The following ARHGAP25 variants were observed in gnomAD, a reference collection of about 807,000 sequenced individuals.
ARHGAP25 encodes Rho GTPase activating protein 25.
A neutral mutation model predicts 71.0 loss-of-function variants in ARHGAP25; 34 were observed. The ratio of observed to expected loss-of-function variants is 0.48; its 90% CI spans 0.36 to 0.64. ARHGAP25 has a LOEUF of 0.64. Among genes scored for constraint, ARHGAP25 ranks in the 30% least tolerant of loss-of-function variants. ARHGAP25 has a pLI of 0.00. For missense variants in ARHGAP25, 706 were observed against 805.1 expected, an observed-to-expected ratio of 0.88 and a Z score of 1.49; for synonymous variants, 282 against 296.5, an observed-to-expected ratio of 0.95 and a Z score of 0.50.
chr2:68,725,571 TC>T (rs1386270027), intron 2 of ARHGAP25, among the ~76,000 whole-genome samples: 1 of 152,024 alleles, frequency 6.6e-6, no homozygotes, highest in African/African-American at 2.4e-5. Flanking sequence ...GCTCAAGTCA[TC>T]CTCCTCAGCC....
intron 4 of ARHGAP25, among the ~76,000 whole-genome samples, chr2:68,794,414 A>G (rs1214600188): frequency 5.3e-5 from 8 of 152,274 alleles, no homozygotes; most frequent in Non-Finnish European, 1.2e-4. Context: ...TTTGTTGCAT[A>G]TGACCTATAT....
chr2:68,721,436 T>A (rs189009833), intron 2 of ARHGAP25, among the ~76,000 whole-genome samples: 1 of 152,346 alleles, frequency 6.6e-6, no homozygotes, highest in East Asian at 1.9e-4. Context: ...ATCTCTGCCC[T>A]ATTTACATAC....
chr2:68,821,749 A>AG (rs1558665742), intron 9 of ARHGAP25, among the ~76,000 whole-genome samples: 1 of 152,160 alleles, frequency 6.6e-6, no homozygotes, highest in Non-Finnish European at 1.5e-5. Context: ...TCCTATGTAC[A>AG]AGGACTAGTT....
chr2:68,775,522 C>G, intron 2 of ARHGAP25, 102 bp downstream of exon 2: 1 of 1,538,418 alleles, frequency 6.5e-7, no homozygotes, highest in Non-Finnish European at 8.9e-7. Flanking sequence ...TCAATAGGAC[C>G]AGACACACCC....
At chr2:68,730,528 C>T (rs1674995593), upstream of ARHGAP25, among the ~76,000 whole-genome samples, 1 of 151,858 alleles carries the variant, frequency 6.6e-6, no homozygotes, top group Non-Finnish European at 1.5e-5. Flanking sequence ...TGAAAGCTTG[C>T]AGTCCCACCT....
intron 2 of ARHGAP25, among the ~76,000 whole-genome samples, chr2:68,718,859 C>G (rs915107709): frequency 3.9e-5 from 6 of 152,172 alleles, no homozygotes; most frequent in Admixed American, 3.9e-4. Flanking sequence ...GGCTTGTCAT[C>G]AGAAAGACAA....
At chr2:68,792,055 G>C (rs556859705) in intron 4 of ARHGAP25, among the ~76,000 whole-genome samples, 2 of 152,106 alleles carry the variant, frequency 1.3e-5, no homozygotes, top group Admixed American at 6.6e-5. Context: ...ACTGAAACCT[G>C]GTCCCTGTCC....
At chr2:68,824,721 A>G (rs4854523) in intron 10 of ARHGAP25, among the ~76,000 whole-genome samples, 25,852 of 152,094 alleles carry the variant, frequency 0.17, 2,349 homozygotes, top group Admixed American at 0.25. Flanking sequence ...CAGCCTGGGC[A>G]ACAGAGCGAG....
intron 2 of ARHGAP25, among the ~76,000 whole-genome samples, chr2:68,714,871 A>T (rs1674573509): frequency 6.6e-6 from 1 of 152,220 alleles, no homozygotes; most frequent in African/African-American, 2.4e-5. Context: ...TTTTTTATTA[A>T]AATACGGAAG....
intron 8 of ARHGAP25, among the ~76,000 whole-genome samples, chr2:68,818,236 A>C (rs1330404546): frequency 6.6e-6 from 1 of 152,236 alleles, no homozygotes; most frequent in Non-Finnish European, 1.5e-5. Flanking sequence ...GACTAGTACA[A>C]TAATAGCTAG....
intron 2 of ARHGAP25, among the ~76,000 whole-genome samples, chr2:68,715,081 G>A (rs866786275): frequency 2.6e-5 from 4 of 152,116 alleles, no homozygotes; most frequent in African/African-American, 2.4e-5. Flanking sequence ...GGGCTTGTGC[G>A]CTGGAAGGCT....
intron 1 of ARHGAP25, among the ~76,000 whole-genome samples, chr2:68,768,016 T>A (rs1677230627): frequency 6.6e-6 from 1 of 152,220 alleles, no homozygotes; most frequent in African/African-American, 2.4e-5. Context: ...CCATCTCCAA[T>A]GTGGATGCCT....
At position 68,775,317 on chromosome 2, in the gene ARHGAP25, T is replaced by A; in HGVS notation, c.158T>A (p.Leu53Gln). The A allele has an allele frequency of 6.2e-7, 1 of 1,614,228 alleles. No individual in the cohort carries two copies. Among genetic ancestry groups the A allele is most frequent in the Non-Finnish European group, 8.5e-7 (1 of 1,180,044 alleles). The change falls in exon 2 of 11, where the codon CTG (leucine) becomes CAG (glutamine). Residue 53 changes from leucine to glutamine, a missense_variant. By Grantham distance (113) the Leu-to-Gln change is moderately radical (BLOSUM62 -2). Coordinates refer to ENST00000409202, the MANE Select transcript of ARHGAP25 (RefSeq NM_001007231.3). ...PLERPIKMGW[L>Q]KKQRSIVKNW... ...GAGAGGCCCATCAAGATGGGCTGGC[T>A]GAAGAAGCAGAGGTCCATCGTGAAG...
At chr2:68,711,327 T>C (rs1030640678) in intron 2 of ARHGAP25, among the ~76,000 whole-genome samples, 2 of 152,186 alleles carry the variant, frequency 1.3e-5, no homozygotes, top group African/African-American at 4.8e-5. Flanking sequence ...TAAATTTTGG[T>C]GCAAACCACA....
chr2:68,762,575 A>G (rs2104346382), intron 1 of ARHGAP25, among the ~76,000 whole-genome samples: 1 of 152,190 alleles, frequency 6.6e-6, no homozygotes, highest in East Asian at 1.9e-4. Flanking sequence ...TAGCCTGTTG[A>G]GTCACCCCCT....
rs115107800 is a variant in ARHGAP25, at chr2:68,821,553, A to G, written c.1201-787A>G. On this transcript the variant is annotated intron_variant, in intron 9 of 10. Transcript: ENST00000409202. ...TGATTGTATGATTTTGAGACAAATT[A>G]TTGGAGTTTGTGTCATTTTACACTT... 3.4e-3 allele frequency among the ~76,000 whole-genome samples: 516 copies of G among 152,324 alleles called. 2 individuals carry two copies. The highest frequency in any genetic ancestry group is 0.012 in the African/African-American group (496 of 41,570).
chr2:68,732,144 G>T (rs570820650), upstream of ARHGAP25, among the ~76,000 whole-genome samples: 1 of 152,340 alleles, frequency 6.6e-6, no homozygotes, highest in Admixed American at 6.5e-5. Context: ...AGGGAGCGCA[G>T]TACCCAGTTG....
intron 2 of ARHGAP25, among the ~76,000 whole-genome samples, chr2:68,718,610 G>C (rs1674678145): frequency 6.6e-6 from 1 of 152,106 alleles, no homozygotes; most frequent in Admixed American, 6.6e-5. Flanking sequence ...TAGATACCTA[G>C]ATAGATACAT....
chr2:68,778,104 G>T (rs570536074), intron 2 of ARHGAP25, among the ~76,000 whole-genome samples: 1 of 152,086 alleles, frequency 6.6e-6, no homozygotes, highest in African/African-American at 2.4e-5. Context: ...AATTTGGGCT[G>T]ATGTTTATAC....
Sources: gnomAD v4.1 joint callset for allele counts (sites outside exome capture counted in the v4.1 genomes callset) on GRCh38, gnomAD v4.1.1 for gene constraint, MANE v1.5 for transcripts, NCBI Gene and HGNC (gene_info 2026-07-23, HGNC 2026-07-21) for gene names.